FUT8: variants seen among roughly 807,000 people sequenced by gnomAD.
FUT8 encodes alpha-(1,6)-fucosyltransferase.
FUT8 carries 29 observed loss-of-function variants against 71.3 expected under a neutral mutation model. The ratio of observed to expected loss-of-function variants is 0.41; its 90% confidence interval spans 0.30 to 0.55. FUT8 has a LOEUF of 0.55. Among genes scored for constraint, FUT8 ranks in the 20% least tolerant of loss-of-function variants. The pLI is 0.34. For synonymous variants in FUT8, 254 were observed against 239.3 expected (o/e 1.06, Z -0.57); for missense variants, 544 against 702.1 (o/e 0.77, Z 2.55).
Position 65,476,637 on chromosome 14 carries a change from ATTTTTTTTTTTTTTTT to A in FUT8, c.-228+20938_-228+20953del, listed in dbSNP as rs200882761. Among the ~76,000 whole-genome samples, 7 of 125,084 alleles carry A rather than the reference ATTTTTTTTTTTTTTTT, an allele frequency of 5.6e-5. No individual in the cohort carries two copies. The South Asian group carries it at 7.3e-4, about 13-fold the overall frequency. 82.1% of individuals were successfully genotyped at this position (125,084 alleles called of 152,430 possible). A position where few individuals can be genotyped will look rare whatever the true frequency, so the allele number is the denominator to read the frequency against. On this transcript the variant is annotated intron_variant, in intron 2 of 10. Transcript: ENST00000673929. ...TCAAGTGGTAGAGTTAAAGAAGTAG[ATTTTTTTTTTTTTTTT>A]TTTTTTTTTTTTTTTTTTGGCGACA...
At chr14:65,619,536 T>A (rs1889490616) in intron 5 of FUT8, among the ~76,000 whole-genome samples, 1 of 152,216 alleles carries the variant, frequency 6.6e-6, no homozygotes, top group Non-Finnish European at 1.5e-5. Context: ...TTTACCTGAT[T>A]GGCCTTGATA....
intron 1 of FUT8, among the ~76,000 whole-genome samples, chr14:65,423,409 C>T (rs1452555429): frequency 6.6e-6 from 1 of 151,808 alleles, no homozygotes; most frequent in Non-Finnish European, 1.5e-5. Flanking sequence ...CTACAGGCAC[C>T]CATCACTACG....
intron 2 of FUT8, among the ~76,000 whole-genome samples, chr14:65,499,929 A>C (rs1293876608): frequency 2.0e-5 from 3 of 152,208 alleles, no homozygotes; most frequent in Non-Finnish European, 4.4e-5. Context: ...TTAGGGTAAA[A>C]AAATTTTTAT....
chr14:65,380,336 C>A, the FUT8 span, among the ~76,000 whole-genome samples: 1 of 152,144 alleles, frequency 6.6e-6, no homozygotes, highest in African/African-American at 2.4e-5. Context: ...CCGGGTCCCT[C>A]CCACAACACA....
intron 2 of FUT8, among the ~76,000 whole-genome samples, chr14:65,485,478 CCTT>C (rs2066395741): frequency 6.6e-6 from 1 of 152,182 alleles, no homozygotes; most frequent in African/African-American, 2.4e-5. Flanking sequence ...TGAGGCAAGA[CCTT>C]CTTAAGCACT....
chr14:65,631,926 C>T lies in FUT8; in HGVS notation c.597+2320C>T, dbSNP rs542022282. 5.9e-5 allele frequency among the ~76,000 whole-genome samples: 9 copies of T among 152,192 alleles called. No individual in the cohort carries two copies. The South Asian group carries it at 1.9e-3, about 32-fold the overall frequency. On this transcript the variant is annotated intron_variant, in intron 6 of 10. Transcript: ENST00000673929. Reference sequence around the variant, plus strand: ...TTTGTGTCCTCATTAGCTTAGCTCCCACATATCAGTGAGAACATATGGTAT... The same window carrying T: ...TTTGTGTCCTCATTAGCTTAGCTCCTACATATCAGTGAGAACATATGGTAT...
chr14:65,386,150 TAA>T, the FUT8 span, among the ~76,000 whole-genome samples: 3 of 142,366 alleles, frequency 2.1e-5, no homozygotes, highest in Non-Finnish European at 3.1e-5. Flanking sequence ...AGACTCCATC[TAA>T]AAAAAAAAAA....
At chr14:65,490,856 T>A (rs1432754510) in intron 2 of FUT8, among the ~76,000 whole-genome samples, 1 of 152,138 alleles carries the variant, frequency 6.6e-6, no homozygotes, top group Non-Finnish European at 1.5e-5. Flanking sequence ...CTTTTGCAGA[T>A]GGCAGTTATG....
intron 1 of FUT8, among the ~76,000 whole-genome samples, chr14:65,433,565 T>C (rs11851576): frequency 0.45 from 68,494 of 152,128 alleles, 16,651 homozygotes; most frequent in Non-Finnish European, 0.55. Flanking sequence ...AAGTAACATA[T>C]ATCTTTATTA....
At chr14:65,722,840 C>T (rs939570013) in intron 8 of FUT8, among the ~76,000 whole-genome samples, 4 of 152,182 alleles carry the variant, frequency 2.6e-5, no homozygotes, top group African/African-American at 9.7e-5. Context: ...CAAACCTTCA[C>T]TCCAGATTCA....
chr14:65,436,462 C>G (rs938409304), intron 1 of FUT8, among the ~76,000 whole-genome samples: 2 of 151,812 alleles, frequency 1.3e-5, no homozygotes, highest in Admixed American at 6.6e-5. Context: ...AACCCTGTCT[C>G]TACTAAAAAT....
Position 65,721,888 on chromosome 14 carries a change from G to A in FUT8, c.949G>A (p.Val317Ile), listed in dbSNP as rs145888998. 1.4e-5 allele frequency: 23 copies of A among 1,614,044 alleles called. No individual in the cohort carries two copies. In the African/African-American group the frequency reaches 1.9e-4, roughly 13 times the overall value. ...AVPEDLADRL[V>I]RVHGDPAVWW... The stretch of plus-strand genomic sequence containing the variant: ...ACCAGAAGACCTCGCAGATCGACTT[G>A]TACGAGTGCATGGTGACCCTGCAGT... The change falls in exon 8 of 11, where the codon GTA becomes ATA. Residue 317 changes from valine (V) to isoleucine (I), a missense_variant. By Grantham distance (29) the Val-to-Ile change is conservative (BLOSUM62 3). Transcript: ENST00000673929.
intron 2 of FUT8, among the ~76,000 whole-genome samples, chr14:65,549,913 C>G (rs192130787): frequency 1.1e-4 from 17 of 152,052 alleles, no homozygotes; most frequent in African/African-American, 3.9e-4. Context: ...CACAAAAAAT[C>G]AGTTGGGCAT....
intron 3 of FUT8, among the ~76,000 whole-genome samples, chr14:65,581,295 A>G (rs897772537): frequency 4.6e-5 from 7 of 152,074 alleles, no homozygotes; most frequent in Non-Finnish European, 1.0e-4. Context: ...TGATATTTAA[A>G]TTACCGACAG....
rs1222417678 is a variant in FUT8, at chr14:65,447,023, C to G, written c.-325-8598C>G. Among the ~76,000 whole-genome samples, 3 of 152,210 alleles carry G rather than the reference C, an allele frequency of 2.0e-5. No homozygotes were observed. In the East Asian group the frequency reaches 5.8e-4, roughly 29 times the overall value. ...GCCCCTTTGTCTGTCTCTTCTCTCT[C>G]TTCAGCTCTTATAATCTGAAAATTT... On this transcript the variant is annotated intron_variant, in intron 1 of 10. Coordinates refer to ENST00000673929, the MANE Select transcript of FUT8 (RefSeq NM_001371533.1).
At chr14:65,668,765 A>G (rs1267390911) in intron 6 of FUT8, among the ~76,000 whole-genome samples, 2 of 152,240 alleles carry the variant, frequency 1.3e-5, no homozygotes, top group Admixed American at 6.5e-5. Context: ...AATTGCAAAG[A>G]CATGGAATAA....
chr14:65,687,432 A>G (rs1893348712), intron 7 of FUT8, among the ~76,000 whole-genome samples: 2 of 152,178 alleles, frequency 1.3e-5, no homozygotes, highest in African/African-American at 4.8e-5. Context: ...CATTTTGGTG[A>G]TGCCAAATCT....
At chr14:65,647,494 C>T (rs1019060423) in intron 6 of FUT8, among the ~76,000 whole-genome samples, 2 of 152,098 alleles carry the variant, frequency 1.3e-5, no homozygotes, top group Non-Finnish European at 2.9e-5. Flanking sequence ...GTTATAAAAA[C>T]TTGAACTTAA....
At chr14:65,369,401 T>C in the FUT8 span, among the ~76,000 whole-genome samples, 3 of 152,154 alleles carry the variant, frequency 2.0e-5, no homozygotes. The surrounding 1 kb of genome is among the most constrained non-coding windows in gnomAD (Gnocchi z 4.6). Flanking sequence ...TAAATCAGAG[T>C]GACTTCATCT....
Sources: gnomAD v4.1 joint callset for allele counts (sites outside exome capture counted in the v4.1 genomes callset) on GRCh38, gnomAD v4.1.1 for gene constraint, Gnocchi (gnomAD v3.1) non-coding constraint, MANE v1.5 for transcripts, NCBI Gene and HGNC (gene_info 2026-07-23, HGNC 2026-07-21) for gene names.